Variants in XRCC4 observed in about 807,000 individuals in gnomAD.
XRCC4 encodes DNA repair protein XRCC4.
Under a neutral mutation model 39.1 loss-of-function variants are expected in XRCC4, and 28 were observed. The observed-to-expected ratio is 0.72, with a 90% CI of 0.53 to 0.98. The LOEUF (loss-of-function observed/expected upper bound fraction) is 0.98. Ranked by LOEUF, XRCC4 falls within the 50% of genes least tolerant of loss-of-function variation. XRCC4 has a pLI of 0.00. For missense variants in XRCC4, 350 were observed against 376.4 expected (o/e 0.93, Z 0.58); for synonymous variants, 123 against 126.4 (o/e 0.97, Z 0.18).
Position 83,156,723 on chromosome 5 carries a change from A to C in XRCC4, c.316-39047A>C, listed in dbSNP as rs572134535. Among the ~76,000 whole-genome samples, 4 of 152,234 alleles carry C rather than the reference A, an allele frequency of 2.6e-5. No individual in the cohort carries two copies. In the East Asian group the frequency reaches 7.7e-4, roughly 29 times the overall value. On this transcript the variant is annotated intron_variant, in intron 3 of 7. Coordinates refer to ENST00000396027, the MANE Select transcript of XRCC4 (RefSeq NM_003401.5). ...GCAGAAAGCATAAATTTGCAAAGCCAAGAATAGTAGAGAGGGTCTAATAAA... is the reference window on the plus strand; with the variant it reads ...GCAGAAAGCATAAATTTGCAAAGCCCAGAATAGTAGAGAGGGTCTAATAAA...
At chr5:83,353,017 C>A (rs1757124260) in intron 7 of XRCC4, 114 bp from the exon 8 acceptor site, 2 of 823,522 alleles carry the variant, frequency 2.4e-6, no homozygotes, top group Non-Finnish European at 3.7e-6. Context: ...AATCTCTAAA[C>A]CAATTTGAAA....
At chr5:83,306,215 A>G (rs1435567198) in intron 7 of XRCC4, among the ~76,000 whole-genome samples, 1 of 152,130 alleles carries the variant, frequency 6.6e-6, no homozygotes, top group Admixed American at 6.5e-5. Flanking sequence ...ACTTTTATAT[A>G]TATATATACA....
intron 1 of XRCC4, among the ~76,000 whole-genome samples, chr5:83,087,170 A>T (rs1173702871): frequency 1.3e-5 from 2 of 151,924 alleles, no homozygotes; most frequent in African/African-American, 4.8e-5. Flanking sequence ...TACAAAAATT[A>T]GCCGGGAGTG....
intron 3 of XRCC4, among the ~76,000 whole-genome samples, chr5:83,160,515 A>G (rs1331541149): frequency 6.6e-6 from 1 of 152,180 alleles, no homozygotes; most frequent in African/African-American, 2.4e-5. Context: ...CAAATGTTTT[A>G]TATTCCAAAA....
chr5:83,085,376 A>G (rs759869470), intron 1 of XRCC4, among the ~76,000 whole-genome samples: 1 of 152,204 alleles, frequency 6.6e-6, no homozygotes, highest in Non-Finnish European at 1.5e-5. Flanking sequence ...CAGTATATCA[A>G]TAAATACGGA....
chr5:83,219,166 G>A (rs529999600), intron 6 of XRCC4, among the ~76,000 whole-genome samples: 1 of 151,790 alleles, frequency 6.6e-6, no homozygotes, highest in South Asian at 2.1e-4. Flanking sequence ...TTTTTATAAG[G>A]GTACCAGTCA....
chr5:83,218,781 C>G (rs1424176285), intron 6 of XRCC4, among the ~76,000 whole-genome samples: 2 of 152,026 alleles, frequency 1.3e-5, no homozygotes, highest in Non-Finnish European at 2.9e-5. Context: ...TATTTTGCCT[C>G]AAGTTGAGTT....
chr5:83,228,496 T>C (rs947744728), intron 6 of XRCC4, among the ~76,000 whole-genome samples: 1 of 152,062 alleles, frequency 6.6e-6, no homozygotes, highest in African/African-American at 2.4e-5. Context: ...ATTACTATTA[T>C]AAGTTCAGTA....
chr5:83,113,224 T>C (rs1052824872), intron 3 of XRCC4, among the ~76,000 whole-genome samples: 1 of 152,200 alleles, frequency 6.6e-6, no homozygotes, highest in African/African-American at 2.4e-5. Flanking sequence ...CGAAATCCAA[T>C]AGGGCAGTCA....
chr5:83,198,332 T>C (rs948438544), intron 4 of XRCC4, among the ~76,000 whole-genome samples: 2 of 152,072 alleles, frequency 1.3e-5, no homozygotes, highest in African/African-American at 4.8e-5. Context: ...GGAATTCCCA[T>C]AGAAGCGATG....
intron 6 of XRCC4, among the ~76,000 whole-genome samples, chr5:83,206,591 C>T (rs1253479693): frequency 1.3e-5 from 2 of 151,976 alleles, no homozygotes; most frequent in African/African-American, 4.8e-5. Context: ...ATACTTTCAA[C>T]AAATTTCACT....
intron 6 of XRCC4, among the ~76,000 whole-genome samples, chr5:83,217,609 TGAACCTCA>T (rs1429457006): frequency 6.6e-6 from 1 of 152,216 alleles, no homozygotes; most frequent in African/African-American, 2.4e-5. Context: ...GAAGTAGAGC[TGAACCTCA>T]GCACAAGGAT....
intron 3 of XRCC4, among the ~76,000 whole-genome samples, chr5:83,184,019 T>C (rs1750323041): frequency 6.6e-6 from 1 of 152,120 alleles, no homozygotes; most frequent in African/African-American, 2.4e-5. Flanking sequence ...TGAATTGAAA[T>C]GTATTTTTAG....
intron 3 of XRCC4, among the ~76,000 whole-genome samples, chr5:83,123,130 T>C (rs1747092101): frequency 6.6e-6 from 1 of 152,148 alleles, no homozygotes; most frequent in Non-Finnish European, 1.5e-5. Context: ...ACTGATAATG[T>C]ATTAAAATCA....
chr5:83,150,776 T>C (rs28360086), intron 3 of XRCC4, among the ~76,000 whole-genome samples: 2,386 of 152,304 alleles, frequency 0.016, 50 homozygotes, highest in African/African-American at 0.055. Flanking sequence ...TTATTGGATT[T>C]ACTATGGCTT....
At chr5:83,175,519 T>C (rs1207103494) in intron 3 of XRCC4, among the ~76,000 whole-genome samples, 1 of 152,184 alleles carries the variant, frequency 6.6e-6, no homozygotes, top group African/African-American at 2.4e-5. Flanking sequence ...CTAATTAAAA[T>C]TGGAGACTGG....
chr5:83,132,900 A>G (rs972460986), intron 3 of XRCC4, among the ~76,000 whole-genome samples: 3 of 152,140 alleles, frequency 2.0e-5, no homozygotes, highest in African/African-American at 7.2e-5. Context: ...TGTCAGAGTC[A>G]TTCTCTGTCC....
chr5:83,096,475 A>G (rs1240161494), intron 1 of XRCC4, among the ~76,000 whole-genome samples: 1 of 152,110 alleles, frequency 6.6e-6, no homozygotes, highest in Admixed American at 6.5e-5. Context: ...GGCTGAAGCC[A>G]AGCCGTTTGG....
At chr5:83,235,228 G>A (rs1256034594) in intron 6 of XRCC4, among the ~76,000 whole-genome samples, 3 of 151,062 alleles carry the variant, frequency 2.0e-5, no homozygotes, top group Non-Finnish European at 4.4e-5. Flanking sequence ...CCAGCTACTT[G>A]GGAGTCTAAG....
Sources: allele counts gnomAD v4.1 joint callset (sites outside exome capture counted in the v4.1 genomes callset), GRCh38; gene constraint gnomAD v4.1.1; transcripts MANE v1.5; gene names NCBI Gene and HGNC (gene_info 2026-07-23, HGNC 2026-07-21).